The following SLC24A3 variants were observed in gnomAD, a reference collection of about 807,000 sequenced individuals.
SLC24A3 encodes the protein solute carrier family 24 member 3.
Under a neutral mutation model 75.8 loss-of-function variants are expected in SLC24A3, and 28 were observed. That is an observed-to-expected ratio of 0.37 (90% CI 0.27 to 0.51). The LOEUF (loss-of-function observed/expected upper bound fraction) is 0.51. Among genes scored for constraint, SLC24A3 ranks in the 20% least tolerant of loss-of-function variants. SLC24A3 has a pLI of 0.94. For missense variants in SLC24A3, 663 were observed against 847.8 expected (o/e 0.78, Z 2.71); for synonymous variants, 372 against 334.1 (o/e 1.11, Z -1.24).
chr20:19,649,069 T>C (rs747004669), intron 6 of SLC24A3, among the ~76,000 whole-genome samples: 11 of 152,204 alleles, frequency 7.2e-5, no homozygotes, highest in Non-Finnish European at 1.6e-4. Flanking sequence ...GATTTGACTT[T>C]CTTCCCTGCA....
At chr20:19,557,509 T>C (rs567460245) in intron 3 of SLC24A3, among the ~76,000 whole-genome samples, 17 of 152,254 alleles carry the variant, frequency 1.1e-4, no homozygotes, top group African/African-American at 3.6e-4. Context: ...TCAAACTCAG[T>C]AGCTGTCTCC....
chr20:19,471,635 A>G (rs902531479), intron 2 of SLC24A3, among the ~76,000 whole-genome samples: 1 of 145,964 alleles, frequency 6.9e-6, no homozygotes, highest in Non-Finnish European at 1.5e-5. Context: ...GCATGTTTCT[A>G]CTTGGCCCTC....
chr20:19,247,082 C>G (rs527258261), intron 1 of SLC24A3, among the ~76,000 whole-genome samples: 1 of 152,178 alleles, frequency 6.6e-6, no homozygotes, highest in East Asian at 1.9e-4. Context: ...TTTATAAATA[C>G]GTTTTTTAAA....
At chr20:19,574,464 G>T (rs780164611) in intron 3 of SLC24A3, among the ~76,000 whole-genome samples, 39 of 152,158 alleles carry the variant, frequency 2.6e-4, no homozygotes, top group Non-Finnish European at 1.2e-4. Context: ...GGTTTTTCTG[G>T]TTCAGCTGAA....
intron 2 of SLC24A3, among the ~76,000 whole-genome samples, chr20:19,320,905 TGAATGTAGAA>T (rs1984691795): frequency 6.6e-6 from 1 of 152,118 alleles, no homozygotes; most frequent in African/African-American, 2.4e-5. Flanking sequence ...GTGGAATTCA[TGAATGTAGAA>T]GACTGACTGT....
intron 3 of SLC24A3, among the ~76,000 whole-genome samples, chr20:19,563,004 C>T (rs2030899874): frequency 6.6e-6 from 1 of 152,152 alleles, no homozygotes; most frequent in Non-Finnish European, 1.5e-5. Flanking sequence ...CCCCTGAGCA[C>T]CTTCTCAGGG....
At chr20:19,640,453 A>C (rs949116834) in intron 6 of SLC24A3, among the ~76,000 whole-genome samples, 1 of 152,168 alleles carries the variant, frequency 6.6e-6, no homozygotes, top group African/African-American at 2.4e-5. Context: ...TGTAATTGTC[A>C]ATATCATTTT....
At chr20:19,487,106 T>A (rs1056711527) in intron 2 of SLC24A3, among the ~76,000 whole-genome samples, 1 of 152,202 alleles carries the variant, frequency 6.6e-6, no homozygotes, top group Non-Finnish European at 1.5e-5. Flanking sequence ...GTTTGGAAGA[T>A]CTGTTAGGTG....
chr20:19,636,237 C>T (rs2032001777), intron 6 of SLC24A3, among the ~76,000 whole-genome samples: 1 of 152,180 alleles, frequency 6.6e-6, no homozygotes, highest in Non-Finnish European at 1.5e-5. Flanking sequence ...CTCTACTGGT[C>T]AAAAAGTCAC....
intron 2 of SLC24A3, among the ~76,000 whole-genome samples, chr20:19,427,641 C>T (rs930014943): frequency 1.3e-5 from 2 of 152,328 alleles, no homozygotes; most frequent in Non-Finnish European, 2.9e-5. Flanking sequence ...ATTCCCACTG[C>T]CGTGCCTCTG....
Position 19,511,901 on chromosome 20 carries a change from A to G in SLC24A3, c.272-3587A>G, listed in dbSNP as rs149716593. Among the ~76,000 whole-genome samples, 385 of 152,248 alleles carry G rather than the reference A, an allele frequency of 2.5e-3. 5 individuals are homozygous for G. The highest frequency in any genetic ancestry group is 9.3e-3 in the East Asian group (48 of 5,166). Reference sequence around the variant, plus strand: ...CTTTCCACATTGCTATTGGCCATCAAATAAGACTCTTTGTTTTTCTTGAAG... The same window carrying G: ...CTTTCCACATTGCTATTGGCCATCAGATAAGACTCTTTGTTTTTCTTGAAG... On this transcript the variant is annotated intron_variant, in intron 2 of 16. Transcript: ENST00000328041.
chr20:19,402,003 G>A (rs1986559888), intron 2 of SLC24A3, among the ~76,000 whole-genome samples: 1 of 152,192 alleles, frequency 6.6e-6, no homozygotes, highest in Non-Finnish European at 1.5e-5. Flanking sequence ...ATCATTGCTT[G>A]CCCTTAAATC....
chr20:19,406,146 C>T (rs542869923), intron 2 of SLC24A3, among the ~76,000 whole-genome samples: 99 of 151,434 alleles, frequency 6.5e-4, no homozygotes, highest in African/African-American at 2.4e-3. Context: ...TCCCGAAGTG[C>T]TTATTACATT....
At chr20:19,312,340 T>C (rs1398581862) in intron 2 of SLC24A3, among the ~76,000 whole-genome samples, 1 of 152,166 alleles carries the variant, frequency 6.6e-6, no homozygotes, top group East Asian at 1.9e-4. Flanking sequence ...GCTCTAGGAA[T>C]TTGGAAGTTA....
intron 6 of SLC24A3, among the ~76,000 whole-genome samples, chr20:19,616,717 G>A (rs1023644626): frequency 5.3e-5 from 8 of 151,916 alleles, no homozygotes; most frequent in Non-Finnish European, 1.0e-4. Context: ...TAGGAGTTTC[G>A]ACCAGCAATG....
At chr20:19,530,109 G>C (rs557914400) in intron 3 of SLC24A3, among the ~76,000 whole-genome samples, 36 of 152,190 alleles carry the variant, frequency 2.4e-4, no homozygotes, top group African/African-American at 8.4e-4. Flanking sequence ...AAGAGTGTTG[G>C]AAAGGAAGTA....
intron 1 of SLC24A3, chr20:19,265,755 C>T (rs1983147484): frequency 6.5e-6 from 1 of 152,834 alleles, no homozygotes; most frequent in Non-Finnish European, 1.5e-5. Flanking sequence ...TCTGCGGACT[C>T]TCAGCCTCCA....
intron 2 of SLC24A3, among the ~76,000 whole-genome samples, chr20:19,414,220 T>C (rs1235365564): frequency 6.6e-6 from 1 of 152,214 alleles, no homozygotes; most frequent in East Asian, 1.9e-4. Context: ...ACAGATTTTC[T>C]GGAAAATAAC....
chr20:19,598,930 A>G (rs2031487181), intron 6 of SLC24A3, among the ~76,000 whole-genome samples: 1 of 152,008 alleles, frequency 6.6e-6, no homozygotes. Context: ...ACGCACACAC[A>G]CACCTTTCTT....
Sources: gnomAD v4.1 joint callset for allele counts (sites outside exome capture counted in the v4.1 genomes callset) on GRCh38, gnomAD v4.1.1 for gene constraint, MANE v1.5 for transcripts, NCBI Gene and HGNC (gene_info 2026-07-23, HGNC 2026-07-21) for gene names.